The following PGAP4 variants were observed in gnomAD, a reference collection of about 807,000 sequenced individuals.
PGAP4 encodes the protein GPI-N-acetylgalactosamine transferase PGAP4.
Under a neutral mutation model 28.2 loss-of-function variants are expected in PGAP4, and 12 were observed. The observed-to-expected ratio is 0.42, with a 90% CI of 0.27 to 0.69. The LOEUF (loss-of-function observed/expected upper bound fraction) is 0.69, where lower values mean the gene tolerates loss of function less well. Ranked by LOEUF, PGAP4 falls within the 30% of genes least tolerant of loss-of-function variation. The pLI, the probability that PGAP4 is intolerant of heterozygous loss-of-function variation, is 0.22. For missense variants in PGAP4, 425 were observed against 513.5 expected (o/e 0.83, Z 1.67); for synonymous variants, 205 against 211.8 (o/e 0.97, Z 0.28).
intron 2 of PGAP4, among the ~76,000 whole-genome samples, chr9:101,529,150 C>T (rs532323075): frequency 1.5e-3 from 213 of 137,734 alleles, no homozygotes; most frequent in African/African-American, 3.7e-3. Context: ...TGGTGTCTCT[C>T]GGCTTTTTTT....
intron 2 of PGAP4, among the ~76,000 whole-genome samples, chr9:101,494,892 AT>A (rs1318912606): frequency 5.3e-5 from 8 of 150,992 alleles, no homozygotes; most frequent in African/African-American, 1.9e-4. Flanking sequence ...ACTTTTATAA[AT>A]TTTATATATT....
rs140605279 is a variant in PGAP4 at position 101,477,717 on chromosome 9, A to G, written c.-77-548T>C. Among the ~76,000 whole-genome samples the G allele has an allele frequency of 2.6e-3, 402 of 152,340 alleles. 2 individuals carry two copies. Among genetic ancestry groups the G allele is most frequent in the African/African-American group, 9.1e-3 (380 of 41,570 alleles). Reference sequence around the variant, plus strand: ...TCTTTGTTATTTAATGTCATTTTCCATTCATATGCTTCTAATCTCACACAA... The same window carrying G: ...TCTTTGTTATTTAATGTCATTTTCCGTTCATATGCTTCTAATCTCACACAA... On this transcript the variant is annotated intron_variant, in intron 1 of 1. Transcript: ENST00000374848.
At chr9:101,494,021 C>T (rs1196144619) in intron 2 of PGAP4, among the ~76,000 whole-genome samples, 6 of 151,384 alleles carry the variant, frequency 4.0e-5, no homozygotes, top group Non-Finnish European at 7.4e-5. Flanking sequence ...AAATATTGAT[C>T]GTATAAGAAT....
chr9:101,515,427 G>T (rs1322622509), intron 2 of PGAP4, among the ~76,000 whole-genome samples: 18 of 151,984 alleles, frequency 1.2e-4, no homozygotes, highest in East Asian at 1.9e-4. Context: ...GCCATATAAG[G>T]TTTTCAAATT....
At chr9:101,485,929 G>C (rs1826603752) in intron 1 of PGAP4, among the ~76,000 whole-genome samples, 1 of 151,116 alleles carries the variant, frequency 6.6e-6, no homozygotes, top group Non-Finnish European at 1.5e-5. Context: ...AAAAAAAAAA[G>C]CTATTTCCCC....
chr9:101,519,527 C>T (rs1233457994), intron 2 of PGAP4, among the ~76,000 whole-genome samples: 5 of 152,056 alleles, frequency 3.3e-5, no homozygotes, highest in Non-Finnish European at 7.4e-5. Context: ...GTCAGAAGTA[C>T]AGATTGTGAA....
At chr9:101,493,026 G>A (rs539974960) in intron 2 of PGAP4, among the ~76,000 whole-genome samples, 6 of 151,802 alleles carry the variant, frequency 4.0e-5, no homozygotes, top group African/African-American at 9.7e-5. Flanking sequence ...AGGCCGAGGC[G>A]GGCGGATCAC....
chr9:101,491,997 A>G (rs1564096808), upstream of PGAP4, among the ~76,000 whole-genome samples: 2 of 151,792 alleles, frequency 1.3e-5, no homozygotes, highest in East Asian at 3.9e-4. Context: ...TGTAGGAAAT[A>G]GTGTCATTTA....
intron 1 of PGAP4, among the ~76,000 whole-genome samples, chr9:101,483,898 C>T (rs1826550259): frequency 6.6e-6 from 1 of 152,096 alleles, no homozygotes; most frequent in African/African-American, 2.4e-5. Flanking sequence ...GGTGGAAAGA[C>T]TTGGTAATAG....
intron 1 of PGAP4, among the ~76,000 whole-genome samples, chr9:101,485,109 TGA>T (rs1826583330): frequency 6.9e-6 from 1 of 145,192 alleles, no homozygotes; most frequent in Non-Finnish European, 1.6e-5. Context: ...ATAAATTAAA[TGA>T]TGTATATATA....
At chr9:101,500,356 G>C (rs547628887) in intron 2 of PGAP4, among the ~76,000 whole-genome samples, 9 of 151,862 alleles carry the variant, frequency 5.9e-5, no homozygotes, top group African/African-American at 2.2e-4. Flanking sequence ...GATCATTGAG[G>C]CTCTTCCTCG....
At chr9:101,521,452 T>A (rs1826987924) in intron 2 of PGAP4, among the ~76,000 whole-genome samples, 1 of 152,122 alleles carries the variant, frequency 6.6e-6, no homozygotes, top group Admixed American at 6.5e-5. Context: ...GGCTGTATTT[T>A]TCCAGGAATC....
intron 2 of PGAP4, among the ~76,000 whole-genome samples, chr9:101,528,794 G>GTTT (rs201196657): frequency 1.5e-4 from 21 of 140,284 alleles, no homozygotes; most frequent in African/African-American, 5.5e-4. Context: ...ACACTTCTTA[G>GTTT]TTTTTTTTTT....
At chr9:101,491,812 GATATATATATATAT>G (rs58209077), upstream of PGAP4, among the ~76,000 whole-genome samples, 21,769 of 106,312 alleles carry the variant, frequency 0.2, 2,355 homozygotes, top group East Asian at 0.41. Flanking sequence ...AATCTTAAAG[GATATATATATATAT>G]ATATATATAT....
intron 2 of PGAP4, among the ~76,000 whole-genome samples, chr9:101,499,579 C>T (rs939959857): frequency 3.3e-5 from 5 of 152,008 alleles, no homozygotes; most frequent in Non-Finnish European, 7.4e-5. Flanking sequence ...AGATCTGTAA[C>T]AAGCGCAACA....
chr9:101,531,875 C>A (rs2118648059), intron 1 of PGAP4, among the ~76,000 whole-genome samples: 1 of 152,286 alleles, frequency 6.6e-6, no homozygotes, highest in East Asian at 1.9e-4. Flanking sequence ...TGATGATACT[C>A]AAATTAAACT....
At chr9:101,514,700 A>G (rs2118616099) in intron 2 of PGAP4, among the ~76,000 whole-genome samples, 1 of 152,268 alleles carries the variant, frequency 6.6e-6, no homozygotes, top group Admixed American at 6.5e-5. Context: ...GGTTGGGGGC[A>G]GAGTGTAAGA....
At position 101,474,947 on chromosome 9, in the gene PGAP4, A is replaced by C. The variant is rs974375467; in HGVS notation, c.*934T>G. 1 of 150,458 alleles carries C rather than the reference A, an allele frequency of 6.6e-6. No homozygotes were observed. The highest frequency in any genetic ancestry group is 6.6e-5 in the Admixed American group (1 of 15,086). 9.3% of individuals were successfully genotyped at this position (150,458 alleles called of 1,614,324 possible). On this transcript the variant is annotated 3_prime_UTR_variant, in exon 2 of 2. Coordinates refer to ENST00000374848, the MANE Select transcript of PGAP4 (RefSeq NM_032342.3). ...GTCACGTCGTTAGGCCATGGCAGAGATCTGAAATAAAAGGTCAGGTCTTCT... is the reference window on the plus strand; with the variant it reads ...GTCACGTCGTTAGGCCATGGCAGAGCTCTGAAATAAAAGGTCAGGTCTTCT...
At chr9:101,490,327 T>A (rs1381778779), upstream of PGAP4, among the ~76,000 whole-genome samples, 3 of 152,176 alleles carry the variant, frequency 2.0e-5, no homozygotes, top group African/African-American at 7.2e-5. Context: ...GTAGCTGGGA[T>A]TACAGGCACA....
Sources: gnomAD v4.1 joint callset for allele counts (sites outside exome capture counted in the v4.1 genomes callset) on GRCh38, gnomAD v4.1.1 for gene constraint, MANE v1.5 for transcripts, NCBI Gene and HGNC (gene_info 2026-07-23, HGNC 2026-07-21) for gene names.